The following SPATA16 variants were observed in gnomAD, a reference collection of about 807,000 sequenced individuals.
The protein encoded by SPATA16 is spermatogenesis associated 16.
In SPATA16, 36 loss-of-function variants were observed where a neutral mutation model predicts 63.3. The ratio of observed to expected loss-of-function variants is 0.57; its 90% CI spans 0.44 to 0.75. The LOEUF (loss-of-function observed/expected upper bound fraction) is 0.75, where lower values mean the gene tolerates loss of function less well. Ranked by LOEUF, SPATA16 falls within the 30% of genes least tolerant of loss-of-function variation. SPATA16 has a pLI of 0.00. For missense variants in SPATA16, 646 were observed against 679.3 expected (o/e 0.95, Z 0.54); for synonymous variants, 203 against 216.7 (o/e 0.94, Z 0.56).
chr3:173,001,084 A>AGT (rs1577125997), intron 4 of SPATA16, among the ~76,000 whole-genome samples: 1 of 152,140 alleles, frequency 6.6e-6, no homozygotes, highest in African/African-American at 2.4e-5. Flanking sequence ...TTAGCCTTTT[A>AGT]GTGTGCCTTG....
chr3:173,047,123 C>T (rs1735975244), intron 3 of SPATA16, among the ~76,000 whole-genome samples: 1 of 151,550 alleles, frequency 6.6e-6, no homozygotes, highest in Non-Finnish European at 1.5e-5. Flanking sequence ...TGAAGCTGAT[C>T]TTTGCATTCT....
Position 172,919,683 on chromosome 3 carries a change from A to T in SPATA16, c.1339-3202T>A, listed in dbSNP as rs866365454. 3.5e-3 allele frequency among the ~76,000 whole-genome samples: 501 copies of T among 145,106 alleles called. 4 individuals are homozygous for T. Among genetic ancestry groups the T allele is most frequent in the Middle Eastern group, 0.011 (3 of 282 alleles). ...TCATTTTAATTTTTTTTAATTCTTT[A>T]TTTTTTTTTTTTGAGGCAGAGTCTT... On this transcript the variant is annotated intron_variant, in intron 8 of 10. Transcript: ENST00000351008.
chr3:172,939,837 G>T (rs1389779384), intron 6 of SPATA16, among the ~76,000 whole-genome samples: 1 of 152,104 alleles, frequency 6.6e-6, no homozygotes, highest in East Asian at 1.9e-4. Flanking sequence ...TCAGGATGAG[G>T]GCAATTTGCC....
intron 9 of SPATA16, among the ~76,000 whole-genome samples, chr3:172,915,883 G>A (rs1191222643): frequency 1.3e-5 from 2 of 152,124 alleles, no homozygotes; most frequent in Non-Finnish European, 2.9e-5. Context: ...TTTAACCCTA[G>A]AAGTGATTAA....
intron 6 of SPATA16, among the ~76,000 whole-genome samples, chr3:172,949,842 G>A (rs547922071): frequency 5.3e-5 from 8 of 152,188 alleles, no homozygotes; most frequent in Non-Finnish European, 1.2e-4. Flanking sequence ...TTTAGAGGAC[G>A]TATCTGGAGA....
At chr3:173,080,430 C>G (rs9290464) in intron 2 of SPATA16, among the ~76,000 whole-genome samples, 30,740 of 152,022 alleles carry the variant, frequency 0.2, 3,743 homozygotes, top group African/African-American at 0.35. Context: ...TGAAACGCCA[C>G]AATGCTGGGT....
At chr3:173,041,405 G>A (rs1413801103) in intron 3 of SPATA16, among the ~76,000 whole-genome samples, 1 of 152,158 alleles carries the variant, frequency 6.6e-6, no homozygotes, top group Non-Finnish European at 1.5e-5. Context: ...TCTTTTAAGA[G>A]TTGATGAAAA....
chr3:172,954,164 A>T (rs543749564), intron 6 of SPATA16, among the ~76,000 whole-genome samples: 1 of 152,380 alleles, frequency 6.6e-6, no homozygotes, highest in East Asian at 1.9e-4. Flanking sequence ...TAATTTATAA[A>T]GGAAAGAGGT....
chr3:173,090,487 A>G (rs1737195498), intron 2 of SPATA16, among the ~76,000 whole-genome samples: 1 of 152,178 alleles, frequency 6.6e-6, no homozygotes, highest in Non-Finnish European at 1.5e-5. Flanking sequence ...TACATTTATG[A>G]GTTTGGCGCT....
At chr3:173,024,830 A>G (rs978936134) in intron 3 of SPATA16, among the ~76,000 whole-genome samples, 9 of 150,624 alleles carry the variant, frequency 6.0e-5, no homozygotes, top group African/African-American at 2.2e-4. Context: ...ATTTATTTTT[A>G]TTATTTCTCT....
intron 2 of SPATA16, among the ~76,000 whole-genome samples, chr3:173,079,953 A>C (rs1736888326): frequency 6.6e-6 from 1 of 152,220 alleles, no homozygotes; most frequent in African/African-American, 2.4e-5. Flanking sequence ...CAGATTAAGC[A>C]AATAAAAATA....
At chr3:173,105,748 CCTCCCTCCCTCTTTT>C (rs1737605054) in intron 2 of SPATA16, among the ~76,000 whole-genome samples, 1 of 151,844 alleles carries the variant, frequency 6.6e-6, no homozygotes, top group African/African-American at 2.4e-5. Flanking sequence ...AATTTTCCTT[CCTCCCTCCCTCTTTT>C]CCTCCCTCCC....
At chr3:172,925,956 G>A (rs2109579622) in intron 6 of SPATA16, among the ~76,000 whole-genome samples, 1 of 152,158 alleles carries the variant, frequency 6.6e-6, no homozygotes, top group Middle Eastern at 3.4e-3. Flanking sequence ...CTCCTGAGTA[G>A]CTGGGATTAC....
intron 2 of SPATA16, among the ~76,000 whole-genome samples, chr3:173,072,168 G>A (rs1736690698): frequency 1.3e-5 from 2 of 152,148 alleles, no homozygotes; most frequent in Admixed American, 1.3e-4. Flanking sequence ...AAACCTAGGT[G>A]CCCATAAACA....
chr3:172,917,896 C>T (rs893347686), intron 8 of SPATA16, among the ~76,000 whole-genome samples: 6 of 152,178 alleles, frequency 3.9e-5, no homozygotes, highest in African/African-American at 1.4e-4. Flanking sequence ...CCTCTGGAAG[C>T]TGACATTTTC....
At chr3:173,079,058 G>A (rs1736871104) in intron 2 of SPATA16, among the ~76,000 whole-genome samples, 1 of 152,022 alleles carries the variant, frequency 6.6e-6, no homozygotes, top group African/African-American at 2.4e-5. Context: ...TGTGTTTATT[G>A]TCAATGTCAT....
At chr3:172,961,808 A>G (rs539595494) in intron 5 of SPATA16, among the ~76,000 whole-genome samples, 1 of 152,292 alleles carries the variant, frequency 6.6e-6, no homozygotes, top group South Asian at 2.1e-4. Context: ...GCAGGCACAT[A>G]ATAGGCATTT....
chr3:172,968,704 C>T (rs999326869), intron 5 of SPATA16, among the ~76,000 whole-genome samples: 6 of 152,156 alleles, frequency 3.9e-5, no homozygotes, highest in Non-Finnish European at 5.9e-5. Context: ...AATAATGTCA[C>T]GGTCACTATC....
intron 10 of SPATA16, among the ~76,000 whole-genome samples, chr3:172,903,608 G>C (rs1006570813): frequency 9.9e-5 from 15 of 152,210 alleles, no homozygotes; most frequent in Non-Finnish European, 2.2e-4. Context: ...ACTAGAGAGT[G>C]ACCCTCAGGG....
Sources: gnomAD v4.1 joint callset for allele counts (sites outside exome capture counted in the v4.1 genomes callset) on GRCh38, gnomAD v4.1.1 for gene constraint, MANE v1.5 for transcripts, NCBI Gene and HGNC (gene_info 2026-07-23, HGNC 2026-07-21) for gene names.